The following USP9Y variants were observed in gnomAD, a reference collection of about 807,000 sequenced individuals.
USP9Y encodes the protein ubiquitin specific peptidase 9 Y-linked.
A neutral mutation model predicts 53.1 loss-of-function variants in USP9Y; 41 were observed. The ratio of observed to expected loss-of-function variants is 0.77; its 90% CI spans 0.60 to 1.00. The LOEUF is 1.00. Among genes scored for constraint, USP9Y ranks in the 50% least tolerant of loss-of-function variants. The pLI is 0.00. For missense variants in USP9Y, 567 were observed against 535.8 expected, an observed-to-expected ratio of 1.06 and a Z score of -0.58; for synonymous variants, 220 against 173.7, an observed-to-expected ratio of 1.27 and a Z score of -2.09.
At position 12,842,421 on chromosome Y, in the gene USP9Y, G is replaced by A; in HGVS notation, c.6394G>A (p.Gly2132Arg). Reference protein sequence around the residue: ...VFIAHFSLQDGSCPSPFASPG... With the variant: ...VFIAHFSLQDRSCPSPFASPG... ...TATTGCACACTTTTCCTTGCAAGAT[G>A]GGTCTTGTCCTTCTCCTTTTGCATC... is the stretch of plus-strand genomic sequence containing the variant. Residue 2132 changes from glycine (G) to arginine (R), a missense_variant, in exon 38 of 46, where the codon GGG becomes AGG. By Grantham distance (125) the Gly-to-Arg change is moderately radical (BLOSUM62 -2). Transcript: ENST00000338981. 2.5e-6 allele frequency: 1 copy of A among 397,722 alleles called. No individual in the cohort carries two copies. Among genetic ancestry groups the A allele is most frequent in the Non-Finnish European group, 3.5e-6 (1 of 283,141 alleles).
At chrY:12,823,490 G>T in intron 33 of USP9Y, among the ~76,000 whole-genome samples, 1 of 32,759 alleles carries the variant, frequency 3.1e-5, no homozygotes, top group Non-Finnish European at 7.5e-5. Context: ...TTATTTCATT[G>T]TTATGTTTTG....
chrY:12,735,181 T>C (rs2053450442), intron 7 of USP9Y, among the ~76,000 whole-genome samples: 1 of 32,869 alleles, frequency 3.0e-5, no homozygotes, highest in Non-Finnish European at 7.4e-5. Flanking sequence ...TAGAAAATGA[T>C]ATAAAAATCT....
At chrY:12,733,985 C>T (rs752726566) in intron 7 of USP9Y, among the ~76,000 whole-genome samples, 1 of 33,360 alleles carries the variant, frequency 3.0e-5, no homozygotes, top group Non-Finnish European at 7.4e-5. Context: ...CTTTTTTACC[C>T]ATGTATTTCA....
chrY:12,783,316 C>G (rs1603199919), intron 22 of USP9Y, among the ~76,000 whole-genome samples: 1 of 33,378 alleles, frequency 3.0e-5, no homozygotes, highest in East Asian at 7.8e-4. Flanking sequence ...TATGTGACTT[C>G]CTTTCACAAG....
In USP9Y at chrY:12,739,583, G is replaced by C. The variant is rs747484323; in HGVS notation, c.1376G>C (p.Trp459Ser). 16 of 394,020 alleles carry C rather than the reference G, an allele frequency of 4.1e-5. No homozygotes were observed. The highest frequency in any genetic ancestry group is 9.4e-5 in the East Asian group (1 of 10,686). ...CATGATCTGCTAGCAAAGTTGGCTT[G>C]GGATTTTTCTCCTGGACAACTTGAT... ...NVHDLLAKLAWDFSPGQLDHL... is the reference protein window; with the variant it reads ...NVHDLLAKLASDFSPGQLDHL... Residue 459 changes from tryptophan (W) to serine (S), a missense_variant, in exon 12 of 46, where the codon TGG becomes TCG. Trp to Ser is a radical substitution (Grantham distance 177). Transcript: ENST00000338981.
Position 12,856,414 on chromosome Y carries a change from A to G in USP9Y, c.7139A>G (p.His2380Arg). Residue 2380 changes from histidine to arginine, a missense_variant, in exon 43 of 46, where the codon CAC becomes CGC. By Grantham distance (29) the His-to-Arg change is conservative (BLOSUM62 0). Transcript: ENST00000338981. ...GATACAATACAGCGCTCGAAGAATC[A>G]CTATCAAAAACGAGCATATCAGTGC... Reference protein sequence around the residue: ...LFDTIQRSKNHYQKRAYQCIK... With the variant: ...LFDTIQRSKNRYQKRAYQCIK... The G allele has an allele frequency of 2.5e-6, 1 of 397,907 alleles. No individual in the cohort carries two copies. The highest frequency in any genetic ancestry group is 3.0e-5 in the South Asian group (1 of 33,737).
At chrY:12,706,155 A>G in intron 1 of USP9Y, among the ~76,000 whole-genome samples, 1 of 32,942 alleles carries the variant, frequency 3.0e-5, no homozygotes, top group African/African-American at 1.2e-4. Context: ...TAGAGAGTTT[A>G]CATAGTAAAT....
At chrY:12,790,696 C>T in intron 25 of USP9Y, among the ~76,000 whole-genome samples, 164 bp downstream of exon 25, 1 of 33,255 alleles carries the variant, frequency 3.0e-5, no homozygotes, top group South Asian at 6.7e-4. Context: ...GACCTGATAG[C>T]TGCTGATAAT....
At chrY:12,841,947 T>G (rs2053561496) in intron 37 of USP9Y, among the ~76,000 whole-genome samples, 1 of 33,405 alleles carries the variant, frequency 3.0e-5, no homozygotes, top group Non-Finnish European at 7.4e-5. Context: ...ATTTAACAAC[T>G]CTTAGCATTG....
At chrY:12,767,057 G>A (rs2053480705) in intron 15 of USP9Y, among the ~76,000 whole-genome samples, 3 of 33,062 alleles carry the variant, frequency 9.1e-5, no homozygotes, top group African/African-American at 2.4e-4. Flanking sequence ...GGAAGGTGCT[G>A]TAAAGAGTCA....
rs1469396683 is a variant in USP9Y at position 12,859,451 on chromosome Y, C to T, written c.*35C>T. 2.5e-6 allele frequency: 1 copy of T among 393,203 alleles called. No individual in the cohort carries two copies. The highest frequency in any genetic ancestry group is 3.0e-5 in the South Asian group (1 of 33,652). On this transcript the variant is annotated 3_prime_UTR_variant, in exon 46 of 46. Transcript: ENST00000338981. ...ATTAACTGCTTCCTTTATGACTATG[C>T]ACTAAGGTCTTATAGTCCAAACTTT...
chrY:12,716,749 G>T (rs2053431102), intron 3 of USP9Y, among the ~76,000 whole-genome samples: 1 of 32,856 alleles, frequency 3.0e-5, no homozygotes, highest in Non-Finnish European at 7.5e-5. Flanking sequence ...GACTACAGAT[G>T]CATGCCACCA....
chrY:12,769,078 G>A, intron 15 of USP9Y, among the ~76,000 whole-genome samples: 7 of 33,497 alleles, frequency 2.1e-4, no homozygotes. Flanking sequence ...GTGTATAGGG[G>A]ATGAAAAAGT....
At chrY:12,780,915 A>G in intron 22 of USP9Y, among the ~76,000 whole-genome samples, 1 of 33,350 alleles carries the variant, frequency 3.0e-5, no homozygotes, top group African/African-American at 1.2e-4. Flanking sequence ...CTGTCATTAA[A>G]TGGCTTGTAT....
intron 45 of USP9Y, among the ~76,000 whole-genome samples, chrY:12,858,985 T>TA (rs2053580454): frequency 3.0e-5 from 1 of 33,843 alleles, no homozygotes; most frequent in Admixed American, 2.7e-4. Context: ...ATGCTGGGAT[T>TA]ACAGGTATGA....
intron 12 of USP9Y, among the ~76,000 whole-genome samples, chrY:12,750,310 T>A (rs887313890): frequency 3.0e-5 from 1 of 33,791 alleles, no homozygotes; most frequent in South Asian, 6.5e-4. Flanking sequence ...TAGTTTGTTA[T>A]TGACTCTTAA....
intron 6 of USP9Y, among the ~76,000 whole-genome samples, chrY:12,725,439 G>C (rs888991688): frequency 3.0e-5 from 1 of 33,495 alleles, no homozygotes; most frequent in Admixed American, 2.8e-4. Flanking sequence ...CAACAACCTT[G>C]TAACCTTACA....
At chrY:12,759,980 A>G in intron 14 of USP9Y, among the ~76,000 whole-genome samples, 1 of 33,999 alleles carries the variant, frequency 2.9e-5, no homozygotes, top group South Asian at 6.4e-4. Flanking sequence ...TTATTTCTCT[A>G]TCTATATCGT....
At chrY:12,786,376 G>A (rs753324063) in intron 23 of USP9Y, 43 bp downstream of exon 23, 2 of 390,059 alleles carry the variant, frequency 5.1e-6, no homozygotes, top group African/African-American at 6.5e-5. Context: ...TATATTATAC[G>A]GTAATGTGAA....
Sources: allele counts gnomAD v4.1 joint callset (sites outside exome capture counted in the v4.1 genomes callset), GRCh38; gene constraint gnomAD v4.1.1; transcripts MANE v1.5; gene names NCBI Gene and HGNC (gene_info 2026-07-23, HGNC 2026-07-21).